The following OTULINL variants were observed in gnomAD, a reference collection of about 807,000 sequenced individuals.
OTULINL encodes OTU deubiquitinase with linear linkage specificity like.
In OTULINL, 42 loss-of-function variants were observed where a neutral mutation model predicts 43.9. The ratio of observed to expected loss-of-function variants is 0.96; its 90% CI spans 0.75 to 1.24. The LOEUF (loss-of-function observed/expected upper bound fraction) is 1.24, where lower values mean the gene tolerates loss of function less well. OTULINL is among the 50% of genes most tolerant of loss of function. The pLI is 0.00. For synonymous variants in OTULINL, 172 were observed against 153.6 expected, an observed-to-expected ratio of 1.12 and a Z score of -0.88; for missense variants, 411 against 426.4, an observed-to-expected ratio of 0.96 and a Z score of 0.32.
intron 1 of OTULINL, among the ~76,000 whole-genome samples, chr5:14,598,381 A>G (rs1759328332): frequency 6.6e-6 from 1 of 152,218 alleles, no homozygotes; most frequent in South Asian, 2.1e-4. Context: ...TCACACCAGT[A>G]CTGGGGTTTA....
intron 1 of OTULINL, among the ~76,000 whole-genome samples, chr5:14,590,691 G>A (rs949068489): frequency 1.3e-5 from 2 of 152,188 alleles, no homozygotes; most frequent in Non-Finnish European, 2.9e-5. Flanking sequence ...ATGGGTGAGA[G>A]GTTATGGGTT....
Position 14,615,819 on chromosome 5 carries a change from G to A in OTULINL, c.*5505G>A, listed in dbSNP as rs1759663792. ...ATGAAGTGCTCCAATCTGCTTGTGA[G>A]ACCAGTTAGATTAGTAGTTGCAGTT... On this transcript the variant is annotated 3_prime_UTR_variant, in exon 8 of 8. Transcript: ENST00000274217. Among the ~76,000 whole-genome samples the A allele has an allele frequency of 6.6e-6, 1 of 152,200 alleles. No individual in the cohort carries two copies. The highest frequency in any genetic ancestry group is 1.5e-5 in the Non-Finnish European group (1 of 68,042).
intron 1 of OTULINL, among the ~76,000 whole-genome samples, chr5:14,593,145 G>T (rs1371970234): frequency 3.3e-5 from 5 of 152,116 alleles, no homozygotes; most frequent in Admixed American, 2.6e-4. Flanking sequence ...TGCGGGAGGA[G>T]CTTAATCTAT....
chr5:14,591,796 A>G (rs1222379057), intron 1 of OTULINL, among the ~76,000 whole-genome samples: 1 of 152,174 alleles, frequency 6.6e-6, no homozygotes, highest in Non-Finnish European at 1.5e-5. Flanking sequence ...GTATCATCTA[A>G]AACAGGGTCA....
At chr5:14,607,632 A>T (rs1484310601) in intron 6 of OTULINL, among the ~76,000 whole-genome samples, 174 bp downstream of exon 6, 1 of 152,212 alleles carries the variant, frequency 6.6e-6, no homozygotes, top group Non-Finnish European at 1.5e-5. Context: ...TCCTTCAAGA[A>T]GTGAATGAGA....
Position 14,607,222 on chromosome 5 carries a change from T to A in OTULINL, c.499-108T>A, listed in dbSNP as rs1759495392. ...TCCAGCCTGGGCAACAGAGTGAGAT[T>A]CCATCTCGAAAAAAAAAAAGATAAG... On this transcript the variant is annotated intron_variant, in intron 5 of 7. Coordinates refer to ENST00000274217, the MANE Select transcript of OTULINL (RefSeq NM_019018.3). The A allele has an allele frequency of 4.1e-6, 5 of 1,225,310 alleles. No individual in the cohort carries two copies. In the Admixed American group the frequency reaches 1.2e-4, roughly 29 times the overall value. The allele number at this position is 1,225,310 out of a possible 1,614,324, so 75.9% of individuals were successfully genotyped here.
chr5:14,609,129 G>A, intron 7 of OTULINL, 112 bp downstream of exon 7: 1 of 1,049,676 alleles, frequency 9.5e-7, no homozygotes, highest in Non-Finnish European at 1.4e-6. Flanking sequence ...TTGCACAGAG[G>A]TGGTTGATTG....
chr5:14,586,978 A>C (rs375877832), intron 1 of OTULINL, among the ~76,000 whole-genome samples: 1 of 152,064 alleles, frequency 6.6e-6, no homozygotes, highest in Admixed American at 6.5e-5. Context: ...GGTACAAACC[A>C]GTTCCAAATG....
At chr5:14,601,314 G>C (rs780738272) in intron 3 of OTULINL, 37 bp from the exon 4 acceptor site, 2 of 1,610,748 alleles carry the variant, frequency 1.2e-6, no homozygotes, top group African/African-American at 1.3e-5. Flanking sequence ...GAGAAGAAAG[G>C]GAGAATTAAC....
chr5:14,587,096 C>CT (rs1469851892), intron 1 of OTULINL, among the ~76,000 whole-genome samples: 1 of 152,204 alleles, frequency 6.6e-6, no homozygotes, highest in Non-Finnish European at 1.5e-5. Flanking sequence ...AGACTGTTCT[C>CT]TGTAGCATTT....
In OTULINL at chr5:14,608,982, C is replaced by T. The variant is rs138585294; in HGVS notation, c.862C>T (p.Leu288=). 1.1e-3 allele frequency: 1,709 copies of T among 1,613,856 alleles called. 2 individuals are homozygous for T. The highest frequency in any genetic ancestry group is 1.3e-3 in the Non-Finnish European group (1,582 of 1,179,928). ...SDPLSFMMNH[L]NSVGDTCGLE... is the part of the protein sequence containing the mutation. ...TCCTTTGAGCTTCATGATGAATCAC[C>T]TGAATTCTGTAGGCGACACATGTGG... Residue 288 remains leucine (L), a synonymous_variant, in exon 7 of 8, where the codon CTG becomes TTG. Coordinates refer to ENST00000274217, the MANE Select transcript of OTULINL (RefSeq NM_019018.3).
chr5:14,595,042 C>T (rs1423348311), intron 1 of OTULINL, among the ~76,000 whole-genome samples: 1 of 152,144 alleles, frequency 6.6e-6, no homozygotes, highest in African/African-American at 2.4e-5. Context: ...ACCTTAAGTT[C>T]TTTTAGCCAG....
intron 5 of OTULINL, among the ~76,000 whole-genome samples, chr5:14,603,710 T>C (rs1759426568): frequency 6.6e-6 from 1 of 152,202 alleles, no homozygotes; most frequent in Non-Finnish European, 1.5e-5. Flanking sequence ...TTATTCTGAA[T>C]ACAGTGCTTT....
chr5:14,584,628 C>T, intron 1 of OTULINL, among the ~76,000 whole-genome samples: 1 of 152,104 alleles, frequency 6.6e-6, no homozygotes, highest in East Asian at 1.9e-4. Context: ...TGAGTAAGCA[C>T]TCAAATGTTA....
At chr5:14,588,317 A>T (rs1466249276) in intron 1 of OTULINL, among the ~76,000 whole-genome samples, 2 of 152,128 alleles carry the variant, frequency 1.3e-5, no homozygotes, top group African/African-American at 4.8e-5. Flanking sequence ...GTTTGCTCAC[A>T]GGGGAGGAAG....
Position 14,601,005 on chromosome 5 carries a change from A to G in OTULINL, c.105A>G (p.Gln35=). 1.9e-6 allele frequency: 3 copies of G among 1,578,910 alleles called. No individual in the cohort carries two copies. The highest frequency in any genetic ancestry group is 1.8e-5 in the Admixed American group (1 of 54,734). Residue 35 remains glutamine (Q), a synonymous_variant, in exon 2 of 8, where the codon CAA becomes CAG. Transcript: ENST00000274217. The stretch of plus-strand genomic sequence containing the variant: ...ACTCCTGGATGCTAGCTACAAGCCA[A>G]GCCTTAGACACTGTCTGGAGAATGG... The part of the protein sequence containing the change: ...QVHSWMLATS[Q]ALDTVWRMAK...
At chr5:14,590,213 A>T (rs1340440183) in intron 1 of OTULINL, among the ~76,000 whole-genome samples, 1 of 152,178 alleles carries the variant, frequency 6.6e-6, no homozygotes, top group Non-Finnish European at 1.5e-5. Context: ...AGAAGCAGCT[A>T]AGGGTAGGGG....
Position 14,613,403 on chromosome 5 carries a change from C to G in OTULINL, c.*3089C>G, listed in dbSNP as rs1484307528. Among the ~76,000 whole-genome samples, 4 of 152,080 alleles carry G rather than the reference C, an allele frequency of 2.6e-5. No individual in the cohort carries two copies. Among genetic ancestry groups the G allele is most frequent in the Non-Finnish European group, 5.9e-5 (4 of 68,028 alleles). Reference sequence around the variant, plus strand: ...TTTTCATGCTATCTTTTCATCATACCTCTTCTAATCTGAGTATTTCCTCTG... The same window carrying G: ...TTTTCATGCTATCTTTTCATCATACGTCTTCTAATCTGAGTATTTCCTCTG... On this transcript the variant is annotated 3_prime_UTR_variant, in exon 8 of 8. Coordinates refer to ENST00000274217, the MANE Select transcript of OTULINL (RefSeq NM_019018.3).
chr5:14,583,287 T>C (rs1759048652), intron 1 of OTULINL, among the ~76,000 whole-genome samples: 2 of 152,200 alleles, frequency 1.3e-5, no homozygotes, highest in African/African-American at 4.8e-5. Flanking sequence ...GGAGAAGAAC[T>C]CTGTCCTACC....
Sources: allele counts gnomAD v4.1 joint callset (sites outside exome capture counted in the v4.1 genomes callset), GRCh38; gene constraint gnomAD v4.1.1; transcripts MANE v1.5; gene names NCBI Gene and HGNC (gene_info 2026-07-23, HGNC 2026-07-21).